TLN2: variants seen among roughly 807,000 people sequenced by gnomAD.
The protein encoded by TLN2 is talin 2, also known as talin-2.
In TLN2, 118 loss-of-function variants were observed where a neutral mutation model predicts 294.7. The ratio of observed to expected loss-of-function variants is 0.40; its 90% CI spans 0.34 to 0.47. TLN2 has a LOEUF of 0.47. Among genes scored for constraint, TLN2 ranks in the 20% least tolerant of loss-of-function variants. TLN2 has a pLI of 0.84. For missense variants in TLN2, 3,083 were observed against 3,282.2 expected, an observed-to-expected ratio of 0.94 and a Z score of 1.48; for synonymous variants, 1,431 against 1,304.5, an observed-to-expected ratio of 1.10 and a Z score of -2.09.
At chr15:62,453,221 T>C (rs556290985) in intron 1 of TLN2, among the ~76,000 whole-genome samples, 3 of 151,338 alleles carry the variant, frequency 2.0e-5, no homozygotes, top group Non-Finnish European at 4.4e-5. Flanking sequence ...GCAGATTTGA[T>C]GGTGCAGAGA....
chr15:62,538,079 G>A (rs977487419), intron 1 of TLN2, among the ~76,000 whole-genome samples: 16 of 152,080 alleles, frequency 1.1e-4, no homozygotes, highest in African/African-American at 3.9e-4. Context: ...AAAATTAGCT[G>A]GGCATGGTGA....
chr15:62,604,779 A>G (rs1021495281), intron 2 of TLN2, among the ~76,000 whole-genome samples: 1 of 151,150 alleles, frequency 6.6e-6, no homozygotes, highest in Non-Finnish European at 1.5e-5. Context: ...ATTTATATTA[A>G]TCTCTCAAAG....
intron 9 of TLN2, among the ~76,000 whole-genome samples, chr15:62,670,010 T>C (rs1567309895): frequency 1.3e-5 from 2 of 152,164 alleles, no homozygotes; most frequent in African/African-American, 4.8e-5. Flanking sequence ...GATGGGCTGG[T>C]TTGGCGGAGT....
At chr15:62,705,447 A>T (rs1408763522) in intron 19 of TLN2, among the ~76,000 whole-genome samples, 1 of 152,234 alleles carries the variant, frequency 6.6e-6, no homozygotes, top group Admixed American at 6.5e-5. Flanking sequence ...ATTTTGACAA[A>T]GGCCTTGTCA....
chr15:62,408,702 A>G (rs1324066083), intron 1 of TLN2, among the ~76,000 whole-genome samples: 1 of 152,200 alleles, frequency 6.6e-6, no homozygotes, highest in Non-Finnish European at 1.5e-5. Context: ...GATCACCACC[A>G]TCAGTATTAC....
intron 1 of TLN2, among the ~76,000 whole-genome samples, chr15:62,532,440 A>G (rs537225459): frequency 2.2e-4 from 34 of 152,282 alleles, no homozygotes; most frequent in Admixed American, 3.9e-4. Flanking sequence ...ATGAACTTTC[A>G]TCAGGCCAGT....
chr15:62,667,061 A>G (rs572075215), intron 9 of TLN2, among the ~76,000 whole-genome samples: 30 of 152,034 alleles, frequency 2.0e-4, no homozygotes, highest in Non-Finnish European at 3.7e-4. Context: ...CGCCTCCCGG[A>G]TTCAGGCCGT....
intron 52 of TLN2, among the ~76,000 whole-genome samples, chr15:62,817,607 GT>G (rs1303690231): frequency 3.9e-5 from 6 of 152,056 alleles, no homozygotes; most frequent in African/African-American, 4.8e-5. Context: ...CCTCTCATCG[GT>G]TTTTTTCTAA....
At chr15:62,577,766 C>T (rs1451293845) in intron 1 of TLN2, among the ~76,000 whole-genome samples, 1 of 152,146 alleles carries the variant, frequency 6.6e-6, no homozygotes, top group Non-Finnish European at 1.5e-5. Context: ...CATAGGTATA[C>T]ATGTGCCATG....
chr15:62,720,648 G>GGT (rs5813167), intron 25 of TLN2, among the ~76,000 whole-genome samples: 3,363 of 149,166 alleles, frequency 0.023, 79 homozygotes, highest in African/African-American at 0.066. Context: ...ATACAACACA[G>GGT]GTGTGTGTGT....
chr15:62,493,243 C>T (rs911940310), intron 1 of TLN2, among the ~76,000 whole-genome samples: 2 of 152,186 alleles, frequency 1.3e-5, no homozygotes, highest in Non-Finnish European at 2.9e-5. Context: ...CAGAGCCATG[C>T]TCCAGGTGCT....
chr15:62,456,870 A>AG (rs1301427312), intron 1 of TLN2, among the ~76,000 whole-genome samples: 1 of 151,964 alleles, frequency 6.6e-6, no homozygotes, highest in Admixed American at 6.6e-5. Context: ...ATGGCAGAAA[A>AG]GGGGGGCGGT....
At chr15:62,555,563 A>C (rs747408211) in intron 1 of TLN2, among the ~76,000 whole-genome samples, 3 of 152,136 alleles carry the variant, frequency 2.0e-5, no homozygotes, top group Non-Finnish European at 4.4e-5. Flanking sequence ...ACTTTTCTTT[A>C]TGTCTTCTGA....
At position 62,533,204 on chromosome 15, in the gene TLN2, A is replaced by T. The variant is rs1038021714; in HGVS notation, c.-237-56483A>T. On this transcript the variant is annotated intron_variant, in intron 1 of 58. Coordinates refer to ENST00000636159, the MANE Select transcript of TLN2 (RefSeq NM_015059.3). ...GGGAGGCAGAGGTTACAGTGAGCCG[A>T]GATTGTACCATTGCACTCCAGCCTC... 2.2e-5 allele frequency among the ~76,000 whole-genome samples: 3 copies of T among 136,190 alleles called. No homozygotes were observed. In the East Asian group the frequency reaches 7.8e-4, roughly 36 times the overall value. The allele number at this position is 136,190 out of a possible 152,430, so 89.3% of individuals were successfully genotyped here.
In TLN2 at chr15:62,474,825, A is replaced by G. The variant is rs114321125; in HGVS notation, c.-238+84140A>G. 4.2e-3 allele frequency among the ~76,000 whole-genome samples: 637 copies of G among 152,226 alleles called. 8 individuals carry two copies. Among genetic ancestry groups the G allele is most frequent in the African/African-American group, 0.014 (599 of 41,536 alleles). On this transcript the variant is annotated intron_variant, in intron 1 of 58. Transcript: ENST00000636159. Reference sequence around the variant, plus strand: ...TAGACTCCGGGCTGTCCCAGGTGGAATCCTTGACGATGCTGTGGGTGGCCT... The same window carrying G: ...TAGACTCCGGGCTGTCCCAGGTGGAGTCCTTGACGATGCTGTGGGTGGCCT...
intron 1 of TLN2, among the ~76,000 whole-genome samples, chr15:62,411,854 A>G (rs1015814417): frequency 2.0e-5 from 3 of 152,220 alleles, no homozygotes; most frequent in Non-Finnish European, 4.4e-5. Context: ...AAAGAGAAAA[A>G]TGGAAAGGAG....
chr15:62,650,163 C>T lies in TLN2; in HGVS notation c.216C>T (p.Tyr72=). 1 of 1,614,182 alleles carries T rather than the reference C, an allele frequency of 6.2e-7. No homozygotes were observed. The highest frequency in any genetic ancestry group is 2.2e-5 in the East Asian group (1 of 44,886). The change falls in exon 5 of 59, where the codon TAC becomes TAT. Residue 72 remains tyrosine (Y), a synonymous_variant. Coordinates refer to ENST00000636159, the MANE Select transcript of TLN2 (RefSeq NM_015059.3). The part of the protein sequence containing the change: ...IWLEAGRTLD[Y]YMLRNGDILE... ...TGGAAGCGGGCAGAACACTGGATTA[C>T]TACATGTTGCGGAATGGGGTATGCT...
intron 3 of TLN2, among the ~76,000 whole-genome samples, chr15:62,643,287 G>A (rs2051361215): frequency 6.6e-6 from 1 of 152,112 alleles, no homozygotes; most frequent in East Asian, 1.9e-4. Context: ...CTTATCTCAA[G>A]CTTGGAAAAA....
intron 58 of TLN2, 131 bp downstream of exon 58, chr15:62,839,112 C>T (rs189966074): frequency 2.3e-6 from 3 of 1,301,708 alleles, no homozygotes; most frequent in Non-Finnish European, 3.1e-6. Flanking sequence ...GTGGTGTTTC[C>T]TTCATGTCTG....
Sources: gnomAD v4.1 joint callset for allele counts (sites outside exome capture counted in the v4.1 genomes callset) on GRCh38, gnomAD v4.1.1 for gene constraint, MANE v1.5 for transcripts, NCBI Gene and HGNC (gene_info 2026-07-23, HGNC 2026-07-21) for gene names.